The following LRRC37A2 variants were observed in gnomAD, a reference collection of about 807,000 sequenced individuals.
The protein encoded by LRRC37A2 is leucine-rich repeat-containing protein 37A2.
Under a neutral mutation model 68.8 loss-of-function variants are expected in LRRC37A2, and 9 were observed. The observed-to-expected ratio is 0.13, with a 90% CI of 0.08 to 0.23. The LOEUF is 0.23. Among genes scored for constraint, LRRC37A2 ranks in the 10% least tolerant of loss-of-function variants. The pLI is 1.00. For synonymous variants in LRRC37A2, 63 were observed against 367.6 expected, an observed-to-expected ratio of 0.17 and a Z score of 9.48; for missense variants, 168 against 950.4, an observed-to-expected ratio of 0.18 and a Z score of 10.82.
the LRRC37A2 span, among the ~76,000 whole-genome samples, chr17:46,500,753 A>T: frequency 6.6e-6 from 1 of 151,314 alleles, no homozygotes; most frequent in Non-Finnish European, 1.5e-5. Context: ...GTTTGAAGAT[A>T]ACTTCTGGAA....
chr17:47,017,808 C>A, the LRRC37A2 span: 3 of 1,609,826 alleles, frequency 1.9e-6, no homozygotes, highest in South Asian at 3.3e-5. Context: ...GTCAGATGAG[C>A]CTCCAGGGCC....
At chr17:46,875,466 G>A in the LRRC37A2 span, 1 of 1,412,540 alleles carries the variant, frequency 7.1e-7, no homozygotes, top group African/African-American at 1.5e-5. Flanking sequence ...CAAAATACAT[G>A]AAGAGCCGTG....
chr17:46,771,181 C>T, the LRRC37A2 span, among the ~76,000 whole-genome samples: 1 of 152,218 alleles, frequency 6.6e-6, no homozygotes, highest in African/African-American at 2.4e-5. Context: ...GTCCCACTTC[C>T]AACGACGGGA....
chr17:47,019,415 G>A, the LRRC37A2 span: 946 of 1,610,966 alleles, frequency 5.9e-4, 47 homozygotes, highest in African/African-American at 9.6e-3. Context: ...CTCCAACCAC[G>A]GAGGAGACCT....
chr17:46,824,082 C>T, the LRRC37A2 span, among the ~76,000 whole-genome samples: 2 of 152,050 alleles, frequency 1.3e-5, no homozygotes, highest in African/African-American at 2.4e-5. Context: ...AGGATTTATC[C>T]GGGATAATGT....
the LRRC37A2 span, chr17:46,818,529 G>A: frequency 1.6e-5 from 26 of 1,607,720 alleles, no homozygotes; most frequent in Non-Finnish European, 2.2e-5. Context: ...ACCAAATTGG[G>A]TAGCCAGCGA....
the LRRC37A2 span, among the ~76,000 whole-genome samples, chr17:46,887,979 A>T: frequency 1.3e-5 from 2 of 152,186 alleles, no homozygotes; most frequent in East Asian, 3.9e-4. Context: ...GGGCAGCCAA[A>T]CTCAGTGGCT....
chr17:46,818,384 G>T, the LRRC37A2 span: 1 of 819,868 alleles, frequency 1.2e-6, no homozygotes, highest in Non-Finnish European at 2.0e-6. Context: ...CAGGAGGGGT[G>T]GGCGGGTGGG....
chr17:47,021,643 C>T, the LRRC37A2 span: 1 of 616,060 alleles, frequency 1.6e-6, no homozygotes, highest in Non-Finnish European at 2.7e-6. Context: ...AGTTAAGCTT[C>T]CAGGAGATGC....
the LRRC37A2 span, among the ~76,000 whole-genome samples, chr17:47,044,787 G>C: frequency 6.7e-6 from 1 of 149,688 alleles, no homozygotes; most frequent in Non-Finnish European, 1.5e-5. Flanking sequence ...CAAAGAGAGA[G>C]GGTGGCTTGA....
chr17:46,967,201 C>T, the LRRC37A2 span, among the ~76,000 whole-genome samples: 1 of 152,260 alleles, frequency 6.6e-6, no homozygotes, highest in Non-Finnish European at 1.5e-5. Context: ...CGTGTTACCT[C>T]CTGGTTTGGA....
the LRRC37A2 span, among the ~76,000 whole-genome samples, chr17:46,804,115 T>C: frequency 8.6e-5 from 13 of 151,900 alleles, no homozygotes; most frequent in Admixed American, 8.5e-4. Context: ...TGAGACAGAG[T>C]CTCACTCTGT....
the LRRC37A2 span, among the ~76,000 whole-genome samples, chr17:47,006,017 A>G: frequency 0.42 from 63,842 of 152,032 alleles, 14,720 homozygotes; most frequent in Non-Finnish European, 0.52. Context: ...TACTAAAAAT[A>G]CAAAAATTAG....
the LRRC37A2 span, among the ~76,000 whole-genome samples, chr17:46,947,221 G>T: frequency 1.3e-5 from 2 of 152,306 alleles, no homozygotes; most frequent in Non-Finnish European, 2.9e-5. Flanking sequence ...TAGATTCTGT[G>T]GCCCCAGGAG....
chr17:46,869,043 T>A, the LRRC37A2 span, among the ~76,000 whole-genome samples: 1 of 152,334 alleles, frequency 6.6e-6, no homozygotes, highest in African/African-American at 2.4e-5. Flanking sequence ...ACTGGGTCTT[T>A]GAGGCCTCCC....
the LRRC37A2 span, among the ~76,000 whole-genome samples, chr17:46,804,397 T>G: frequency 5.3e-5 from 8 of 152,264 alleles, no homozygotes; most frequent in Admixed American, 5.2e-4. Context: ...TGTTTTTATT[T>G]TGTTATTTAA....
At chr17:46,512,667 C>CG (rs1428414880) in exon 2 of LRRC37A2, 28 of 378,772 alleles carry the variant, frequency 7.4e-5, no homozygotes, top group African/African-American at 7.2e-4. Context: ...AAAGACAGGG[C>CG]GGGGCTCACG....
At chr17:46,983,007 T>G in the LRRC37A2 span, among the ~76,000 whole-genome samples, 4 of 152,314 alleles carry the variant, frequency 2.6e-5, no homozygotes, top group Admixed American at 6.5e-5. Flanking sequence ...CATATTTGGC[T>G]TTCTCCGGTT....
chr17:46,836,738 G>A, the LRRC37A2 span, among the ~76,000 whole-genome samples: 40 of 152,264 alleles, frequency 2.6e-4, no homozygotes, highest in East Asian at 7.3e-3. Context: ...GGTTGGCCAG[G>A]GTCATGGGGT....
Sources: gnomAD v4.1 joint callset for allele counts (sites outside exome capture counted in the v4.1 genomes callset) on GRCh38, gnomAD v4.1.1 for gene constraint, MANE v1.5 for transcripts, NCBI Gene and HGNC (gene_info 2026-07-23, HGNC 2026-07-21) for gene names.